Variants in L3MBTL4 observed in about 807,000 individuals in gnomAD.
L3MBTL4 encodes lethal(3)malignant brain tumor-like protein 4.
Under a neutral mutation model 84.5 loss-of-function variants are expected in L3MBTL4, and 70 were observed. The ratio of observed to expected loss-of-function variants is 0.83; its 90% CI spans 0.68 to 1.01. The LOEUF (loss-of-function observed/expected upper bound fraction) is 1.01. Ranked by LOEUF, L3MBTL4 falls within the 50% of genes least tolerant of loss-of-function variation. L3MBTL4 has a pLI of 0.00. For synonymous variants in L3MBTL4, 274 were observed against 259.8 expected (o/e 1.05, Z -0.52); for missense variants, 715 against 754.8 (o/e 0.95, Z 0.62).
intron 16 of L3MBTL4, among the ~76,000 whole-genome samples, chr18:6,008,672 T>C (rs928021252): frequency 3.9e-5 from 6 of 152,278 alleles, no homozygotes; most frequent in Non-Finnish European, 5.9e-5. Flanking sequence ...ACTACCCTCA[T>C]TGGGGATTAG....
chr18:6,272,412 G>A (rs112656503), intron 4 of L3MBTL4, among the ~76,000 whole-genome samples: 2,615 of 135,426 alleles, frequency 0.019, 134 homozygotes, highest in African/African-American at 0.068. Flanking sequence ...GAGTTGTGCA[G>A]ATTCAACTAG....
intron 16 of L3MBTL4, chr18:6,031,581 C>T: frequency 1.1e-6 from 1 of 943,174 alleles, no homozygotes; most frequent in Non-Finnish European, 1.3e-6. Context: ...GGCTCATTCA[C>T]ATGTTTGTTG....
chr18:6,124,497 C>G (rs114117469), intron 14 of L3MBTL4, among the ~76,000 whole-genome samples: 2,370 of 150,238 alleles, frequency 0.016, 66 homozygotes, highest in African/African-American at 0.055. Context: ...ACATGCAGTA[C>G]ACTATCAATA....
At chr18:6,024,103 C>T (rs2055392584) in intron 16 of L3MBTL4, among the ~76,000 whole-genome samples, 1 of 152,152 alleles carries the variant, frequency 6.6e-6, no homozygotes, top group South Asian at 2.1e-4. Context: ...TCTTGAACTC[C>T]TGACCTCAGG....
chr18:5,970,591 A>C (rs1214055960), intron 16 of L3MBTL4, among the ~76,000 whole-genome samples: 2 of 152,248 alleles, frequency 1.3e-5, no homozygotes, highest in African/African-American at 4.8e-5. Context: ...ACACATTAGC[A>C]AAATAAAACT....
At chr18:5,956,409 CA>C (rs1567908532) in intron 18 of L3MBTL4, 22 bp from the exon 19 acceptor site, 1 of 1,610,132 alleles carries the variant, frequency 6.2e-7, no homozygotes, top group Non-Finnish European at 8.5e-7. Context: ...TAAATAGACA[CA>C]AATAAAAATG....
At chr18:6,069,550 G>A (rs1054656483) in intron 16 of L3MBTL4, among the ~76,000 whole-genome samples, 6 of 152,140 alleles carry the variant, frequency 3.9e-5, no homozygotes, top group Admixed American at 1.3e-4. Context: ...AGGGTTAGGC[G>A]GGTCTGTGCT....
chr18:6,263,919 C>A (rs369315108), intron 5 of L3MBTL4, 28 bp downstream of exon 5: 18 of 1,532,092 alleles, frequency 1.2e-5, no homozygotes, highest in Non-Finnish European at 1.6e-5. Context: ...TGCTTCCTTG[C>A]AAAAATATAA....
intron 10 of L3MBTL4, among the ~76,000 whole-genome samples, chr18:6,235,140 G>A (rs899198750): frequency 6.6e-6 from 1 of 152,058 alleles, no homozygotes; most frequent in Non-Finnish European, 1.5e-5. Flanking sequence ...GACACAGGGT[G>A]GGGAACATCA....
At chr18:6,072,694 AC>A (rs957990861) in intron 16 of L3MBTL4, among the ~76,000 whole-genome samples, 3 of 113,824 alleles carry the variant, frequency 2.6e-5, no homozygotes, top group African/African-American at 1.1e-4. Context: ...ACACACACAC[AC>A]ACAAAAAAAA....
chr18:6,057,664 A>T (rs1336587606), intron 16 of L3MBTL4, among the ~76,000 whole-genome samples: 1 of 152,244 alleles, frequency 6.6e-6, no homozygotes, highest in Admixed American at 6.5e-5. Flanking sequence ...TATTCAAAAA[A>T]AGAAAACAAA....
chr18:6,020,085 G>A (rs2055180997), intron 16 of L3MBTL4, among the ~76,000 whole-genome samples: 1 of 152,142 alleles, frequency 6.6e-6, no homozygotes, highest in South Asian at 2.1e-4. Flanking sequence ...CATTCTACAG[G>A]AGAGACAGTT....
At chr18:6,037,098 C>T (rs1370779565) in intron 16 of L3MBTL4, among the ~76,000 whole-genome samples, 1 of 152,220 alleles carries the variant, frequency 6.6e-6, no homozygotes, top group African/African-American at 2.4e-5. Context: ...CCTCTTTGCA[C>T]TTCTGTGATC....
intron 16 of L3MBTL4, among the ~76,000 whole-genome samples, chr18:6,020,141 T>C (rs142566416): frequency 9.9e-4 from 151 of 152,108 alleles, no homozygotes; most frequent in Non-Finnish European, 1.4e-3. Context: ...GGGAGAAGTA[T>C]AGGGATTATA....
chr18:6,259,072 G>T (rs138977726), intron 5 of L3MBTL4: 5 of 152,226 alleles, frequency 3.3e-5, no homozygotes, highest in Non-Finnish European at 7.3e-5. Flanking sequence ...CAGAGTGCCC[G>T]GGGGGAAGCA....
chr18:6,233,167 C>T (rs7241365), intron 10 of L3MBTL4, among the ~76,000 whole-genome samples: 11,066 of 150,714 alleles, frequency 0.073, 1,452 homozygotes, highest in African/African-American at 0.26. Context: ...ATGGGACGTA[C>T]CTAAAAATAA....
intron 1 of L3MBTL4, among the ~76,000 whole-genome samples, chr18:6,347,947 A>G (rs2052996830): frequency 6.6e-6 from 1 of 152,078 alleles, no homozygotes; most frequent in Non-Finnish European, 1.5e-5. Context: ...AAATAAGAGA[A>G]TTTACCAAAA....
intron 5 of L3MBTL4, among the ~76,000 whole-genome samples, chr18:6,249,783 G>A (rs975131916): frequency 4.6e-5 from 7 of 152,086 alleles, no homozygotes; most frequent in Non-Finnish European, 8.8e-5. Flanking sequence ...AAGATAACTA[G>A]AGTTACATAC....
chr18:6,169,823 T>TATAATA (rs370314372), intron 13 of L3MBTL4, among the ~76,000 whole-genome samples: 4 of 150,716 alleles, frequency 2.7e-5, no homozygotes, highest in East Asian at 1.9e-4. Context: ...AAACTTAAAG[T>TATAATA]ATAATAATAA....
Sources: gnomAD v4.1 joint callset for allele counts (sites outside exome capture counted in the v4.1 genomes callset) on GRCh38, gnomAD v4.1.1 for gene constraint, MANE v1.5 for transcripts, NCBI Gene and HGNC (gene_info 2026-07-23, HGNC 2026-07-21) for gene names.